The following DMD variants were observed in gnomAD, a reference collection of about 807,000 sequenced individuals.
DMD encodes the protein dystrophin, also known as mutant dystrophin.
Under a neutral mutation model 330.1 loss-of-function variants are expected in DMD, and 63 were observed. The ratio of observed to expected loss-of-function variants is 0.19; its 90% CI spans 0.16 to 0.24. The LOEUF (loss-of-function observed/expected upper bound fraction) is 0.24. Ranked by LOEUF, DMD falls within the 10% of genes least tolerant of loss-of-function variation. The pLI is 1.00. For synonymous variants in DMD, 1,223 were observed against 959.8 expected (o/e 1.27, Z -5.07); for missense variants, 3,344 against 2,684.1 (o/e 1.25, Z -5.43).
chrX:31,962,467 A>G (rs2095315221), intron 45 of DMD, among the ~76,000 whole-genome samples: 2 of 111,952 alleles, frequency 1.8e-5, no homozygotes, highest in Non-Finnish European at 3.8e-5. Flanking sequence ...ACTGTTATTT[A>G]TTAGATTCTG....
chrX:32,881,628 T>C (rs1231429225), intron 2 of DMD, among the ~76,000 whole-genome samples: 1 of 112,482 alleles, frequency 8.9e-6, no homozygotes, highest in Non-Finnish European at 1.9e-5. Context: ...GTGAAGGAGC[T>C]GTAAGAAAAA....
intron 1 of DMD, among the ~76,000 whole-genome samples, chrX:33,206,072 G>A (rs1209352867): frequency 3.6e-5 from 4 of 110,977 alleles, no homozygotes; most frequent in East Asian, 5.7e-4. Context: ...CCTCCTCTTC[G>A]TTGACACAAC....
intron 48 of DMD, among the ~76,000 whole-genome samples, chrX:31,867,875 T>A (rs1486998631): frequency 1.8e-5 from 2 of 110,926 alleles, no homozygotes; most frequent in East Asian, 5.6e-4. Context: ...AAAAAAAAAA[T>A]TTCTTGTCGA....
chrX:32,926,546 T>C (rs1185163085), intron 2 of DMD, among the ~76,000 whole-genome samples: 1 of 110,684 alleles, frequency 9.0e-6, no homozygotes, highest in Non-Finnish European at 1.9e-5. Flanking sequence ...GCTCAGGAGT[T>C]CCTGACCAGC....
chrX:31,640,406 G>C (rs1172842236), intron 54 of DMD, among the ~76,000 whole-genome samples: 1 of 112,294 alleles, frequency 8.9e-6, no homozygotes, highest in Non-Finnish European at 1.9e-5. Context: ...AACCTGTTTT[G>C]ACAAGAATGA....
At chrX:33,002,850 G>GAAAAAAAAAAAAAA (rs145168802) in intron 2 of DMD, among the ~76,000 whole-genome samples, 15 of 38,745 alleles carry the variant, frequency 3.9e-4, no homozygotes, top group Non-Finnish European at 5.6e-4. Context: ...TTTTTTTCTC[G>GAAAAAAAAAAAAAA]AAAAAAAAAA....
At chrX:33,283,544 AC>A (rs1231474839) in intron 1 of DMD, among the ~76,000 whole-genome samples, 8 of 107,395 alleles carry the variant, frequency 7.4e-5, no homozygotes, top group East Asian at 6.1e-4. Flanking sequence ...AAAAAAAAAA[AC>A]ATCAACTATA....
chrX:32,799,594 AT>A (rs59086238), intron 7 of DMD, among the ~76,000 whole-genome samples: 2,476 of 94,548 alleles, frequency 0.026, 65 homozygotes, highest in African/African-American at 0.078. Context: ...TATAGGGAGG[AT>A]TTTTTTTTTT....
At chrX:32,782,879 G>GTA (rs769614026) in intron 7 of DMD, among the ~76,000 whole-genome samples, 14 of 104,242 alleles carry the variant, frequency 1.3e-4, no homozygotes, top group South Asian at 8.3e-4. Context: ...ACACACACAC[G>GTA]TATATATATA....
intron 1 of DMD, among the ~76,000 whole-genome samples, chrX:33,152,558 C>T (rs1402056597): frequency 2.7e-5 from 3 of 109,107 alleles, no homozygotes; most frequent in Non-Finnish European, 5.7e-5. Context: ...CTTCAGGATA[C>T]GTTGCATTTA....
At chrX:31,308,189 C>T (rs1208654983) in intron 62 of DMD, among the ~76,000 whole-genome samples, 1 of 111,993 alleles carries the variant, frequency 8.9e-6, no homozygotes, top group Non-Finnish European at 1.9e-5. Context: ...AAGACATAGG[C>T]TTACATGCAT....
chrX:32,406,437 A>C (rs1191843286), intron 30 of DMD, among the ~76,000 whole-genome samples: 1 of 110,392 alleles, frequency 9.1e-6, no homozygotes, highest in African/African-American at 3.4e-5. Context: ...ATCAATACCT[A>C]ATTTATTGAG....
intron 42 of DMD, among the ~76,000 whole-genome samples, chrX:32,291,388 T>C (rs1204170399): frequency 8.9e-6 from 1 of 112,210 alleles, no homozygotes; most frequent in Non-Finnish European, 1.9e-5. Context: ...TTCAGCATTT[T>C]TCTCTTGCTG....
intron 1 of DMD, among the ~76,000 whole-genome samples, chrX:33,306,673 A>G (rs909599409): frequency 9.0e-6 from 1 of 111,223 alleles, no homozygotes; most frequent in African/African-American, 3.3e-5. Context: ...GCTACATCAC[A>G]GCAATATAAA....
intron 1 of DMD, among the ~76,000 whole-genome samples, chrX:33,153,359 C>T (rs1445112970): frequency 3.6e-5 from 4 of 112,464 alleles, no homozygotes; most frequent in Middle Eastern, 4.2e-3. Flanking sequence ...TGCGGAGAGC[C>T]GAGATCGTGC....
intron 13 of DMD, among the ~76,000 whole-genome samples, chrX:32,584,763 T>A (rs189389673): frequency 2.7e-5 from 3 of 111,831 alleles, no homozygotes; most frequent in Non-Finnish European, 5.6e-5. Flanking sequence ...TTTGAGGAGA[T>A]GGGAAGAGTT....
At chrX:32,559,824 T>G (rs748379804) in intron 16 of DMD, among the ~76,000 whole-genome samples, 68 of 111,824 alleles carry the variant, frequency 6.1e-4, no homozygotes, top group Non-Finnish European at 1.2e-3. Context: ...AGGTGCTTGC[T>G]TCGGCAGCAC....
At chrX:32,029,746 T>C (rs540758946) in intron 44 of DMD, among the ~76,000 whole-genome samples, 6 of 112,245 alleles carry the variant, frequency 5.3e-5, no homozygotes, top group African/African-American at 1.6e-4. Context: ...AATTCTGTGC[T>C]GCTAAACAAA....
intron 67 of DMD, among the ~76,000 whole-genome samples, chrX:31,187,764 A>C (rs1255352372): frequency 1.4e-5 from 1 of 69,093 alleles, no homozygotes; most frequent in Non-Finnish European, 3.2e-5. Flanking sequence ...AGAGAGAGAG[A>C]GAGAGAGAGA....
Sources: allele counts gnomAD v4.1 joint callset (sites outside exome capture counted in the v4.1 genomes callset), GRCh38; gene constraint gnomAD v4.1.1; transcripts MANE v1.5; gene names NCBI Gene and HGNC (gene_info 2026-07-23, HGNC 2026-07-21).